TRAP1: variants seen among roughly 807,000 people sequenced by gnomAD.
TRAP1 encodes the protein TNF receptor associated protein 1, also known as heat shock protein 75 kDa, mitochondrial.
Under a neutral mutation model 89.1 loss-of-function variants are expected in TRAP1, and 102 were observed. That is an observed-to-expected ratio of 1.15 (90% confidence interval 0.98 to 1.35). The LOEUF (loss-of-function observed/expected upper bound fraction) is 1.35, where lower values mean the gene tolerates loss of function less well. Among genes scored for constraint, TRAP1 ranks in the 40% most tolerant of loss-of-function variants. The pLI is 0.00. For missense variants in TRAP1, 1,256 were observed against 945.3 expected, an observed-to-expected ratio of 1.33 and a Z score of -4.31; for synonymous variants, 508 against 388.0, an observed-to-expected ratio of 1.31 and a Z score of -3.64.
At chr16:3,659,158 T>TAAATAATAA (rs1209787397) in intron 16 of TRAP1, 2 of 312,034 alleles carry the variant, frequency 6.4e-6, no homozygotes, top group African/African-American at 4.3e-5. Flanking sequence ...GGTTCCTAGA[T>TAAATAATAA]AAATAATAAA....
chr16:3,684,022 C>A (rs557212405), intron 4 of TRAP1, among the ~76,000 whole-genome samples: 1 of 151,520 alleles, frequency 6.6e-6, no homozygotes, highest in Admixed American at 6.6e-5. Flanking sequence ...AAAAATTAGC[C>A]GGGTGTGGTG....
At chr16:3,709,983 G>C (rs896959538) in intron 1 of TRAP1, among the ~76,000 whole-genome samples, 3 of 152,176 alleles carry the variant, frequency 2.0e-5, no homozygotes, top group Non-Finnish European at 2.9e-5. Context: ...ATTCTGAACA[G>C]AAAGACCTGT....
chr16:3,681,801 T>G (rs778375574), intron 4 of TRAP1, among the ~76,000 whole-genome samples: 14 of 152,202 alleles, frequency 9.2e-5, no homozygotes, highest in Non-Finnish European at 1.9e-4. Context: ...TTTCCCAAAC[T>G]GATCTGCACT....
At chr16:3,716,692 G>C (rs1024440302) in intron 1 of TRAP1, among the ~76,000 whole-genome samples, 3 of 152,206 alleles carry the variant, frequency 2.0e-5, no homozygotes, top group African/African-American at 7.2e-5. Context: ...GTACAGCCCC[G>C]AAGCAATGCC....
At chr16:3,677,373 C>G in intron 6 of TRAP1, 125 bp downstream of exon 6, 3 of 1,307,340 alleles carry the variant, frequency 2.3e-6, no homozygotes, top group Middle Eastern at 2.6e-4. Context: ...ATGGGAGAGT[C>G]AGATTTCATA....
chr16:3,715,411 C>T (rs948025691), intron 1 of TRAP1, among the ~76,000 whole-genome samples: 10 of 151,742 alleles, frequency 6.6e-5, no homozygotes, highest in Non-Finnish European at 1.3e-4. Flanking sequence ...GCACTCCAGC[C>T]TGGGTGACAG....
Position 3,677,509 on chromosome 16 carries a change from C to G in TRAP1, c.693G>C (p.Trp231Cys), listed in dbSNP as rs2051014485. 6.2e-7 allele frequency: 1 copy of G among 1,614,226 alleles called. No individual in the cohort carries two copies. Among genetic ancestry groups the G allele is most frequent in the Non-Finnish European group, 8.5e-7 (1 of 1,180,034 alleles). The part of the protein sequence containing the change: ...SAAPGSLGYQ[W>C]LSDGSGVFEI... ...CATTCGTCACTCACCCATCTGAAAG[C>G]CACTGGTAACCCAGGCTCCCCGGGG... Residue 231 changes from tryptophan to cysteine, a missense_variant, in exon 6 of 18, where the codon TGG becomes TGC. Transcript: ENST00000246957.
chr16:3,662,166 G>A, intron 15 of TRAP1, 34 bp from the exon 16 acceptor site: 2 of 1,591,134 alleles, frequency 1.3e-6, no homozygotes, highest in Non-Finnish European at 1.7e-6. Flanking sequence ...GGGTGATAGA[G>A]GTTCCCAATG....
chr16:3,689,339 G>C (rs975019090), intron 2 of TRAP1, among the ~76,000 whole-genome samples: 2 of 151,352 alleles, frequency 1.3e-5, no homozygotes, highest in African/African-American at 2.4e-5. Context: ...CTGCCTCCCG[G>C]GTTCACGCCA....
chr16:3,664,803 C>A lies in TRAP1; in HGVS notation c.1384-344G>T, dbSNP rs1596698111. 1.6e-5 allele frequency: 4 copies of A among 249,476 alleles called. No homozygotes were observed. In the East Asian group the frequency reaches 4.7e-4, roughly 30 times the overall value. 15.5% of individuals were successfully genotyped at this position (249,476 alleles called of 1,614,324 possible). A position where few individuals can be genotyped will look rare whatever the true frequency, so the allele number is the denominator to read the frequency against. On this transcript the variant is annotated intron_variant, in intron 12 of 17. Transcript: ENST00000246957. ...CTCTGCCCTCAGTGACAGAGTCAGT[C>A]TCTGGTGGGCACACGGACACGGGTG...
intron 1 of TRAP1, among the ~76,000 whole-genome samples, chr16:3,702,624 G>T (rs1184153840): frequency 6.6e-6 from 1 of 151,652 alleles, no homozygotes; most frequent in African/African-American, 2.4e-5. Context: ...CGCACCTGTA[G>T]TTCCAGCTAC....
In TRAP1 at chr16:3,664,176, CGGAGTCTTG is replaced by C; in HGVS notation, c.1569+89_1569+97del. 2.3e-6 allele frequency: 3 copies of C among 1,319,014 alleles called. No individual in the cohort carries two copies. The South Asian group carries it at 4.8e-5, about 21-fold the overall frequency. 81.7% of individuals were successfully genotyped at this position (1,319,014 alleles called of 1,614,324 possible). A position where few individuals can be genotyped will look rare whatever the true frequency, so the allele number is the denominator to read the frequency against. ...CCCTGACCCACTGTGCAGCCCTGCCCGGAGTCTTGGGCAGGTTCACCCAGCACAGAGCTG... is the reference window on the plus strand; with the variant it reads ...CCCTGACCCACTGTGCAGCCCTGCCCGGCAGGTTCACCCAGCACAGAGCTG... On this transcript the variant is annotated intron_variant, in intron 13 of 17. Coordinates refer to ENST00000246957, the MANE Select transcript of TRAP1 (RefSeq NM_016292.3).
chr16:3,665,870 C>CA lies in TRAP1; in HGVS notation c.1383+100dup, dbSNP rs2050819173. On this transcript the variant is annotated intron_variant, in intron 12 of 17. Coordinates refer to ENST00000246957, the MANE Select transcript of TRAP1 (RefSeq NM_016292.3). Reference sequence around the variant, plus strand: ...CAGCAGCAGCAGCAGCCAGGGTACCCAGCTGCACCGTCGCCACATCAGGGG... The same window carrying CA: ...CAGCAGCAGCAGCAGCCAGGGTACCCAAGCTGCACCGTCGCCACATCAGGGG... The CA allele has an allele frequency of 2.8e-6, 4 of 1,434,934 alleles. No homozygotes were observed. The East Asian group carries it at 9.5e-5, about 34-fold the overall frequency. The allele number at this position is 1,434,934 out of a possible 1,614,324, so 88.9% of individuals were successfully genotyped here.
intron 8 of TRAP1, chr16:3,675,013 G>C: frequency 2.6e-6 from 1 of 381,720 alleles, no homozygotes; most frequent in East Asian, 5.2e-5. Context: ...TTCTGGAATT[G>C]ATGCGGGGTG....
In TRAP1 at chr16:3,669,779, G is replaced by A. The variant is rs376435546; in HGVS notation, c.1235+1943C>T. Among the ~76,000 whole-genome samples the A allele has an allele frequency of 3.1e-4, 45 of 143,308 alleles. No individual in the cohort carries two copies. In the East Asian group the frequency reaches 8.8e-3, roughly 28 times the overall value. The allele number at this position is 143,308 out of a possible 152,430, so 94.0% of individuals were successfully genotyped here. On this transcript the variant is annotated intron_variant, in intron 11 of 17. Transcript: ENST00000246957. ...ACCCGGGAGGCGGAGCTTGCAGTGA[G>A]CCGAGATCGTGCCACTGCACTCCAG...
intron 4 of TRAP1, among the ~76,000 whole-genome samples, chr16:3,684,254 G>C (rs998680654): frequency 3.9e-5 from 6 of 152,146 alleles, no homozygotes; most frequent in Admixed American, 3.9e-4. Flanking sequence ...AGATGATTTT[G>C]CCACCGGAAT....
At chr16:3,686,823 T>C (rs2051144715) in intron 3 of TRAP1, among the ~76,000 whole-genome samples, 2 of 152,078 alleles carry the variant, frequency 1.3e-5, no homozygotes, top group Non-Finnish European at 2.9e-5. Flanking sequence ...ATATTAAAAT[T>C]AGCTGGGCGT....
Position 3,672,796 on chromosome 16 carries a change from G to A in TRAP1, c.1069C>T (p.Arg357Trp), listed in dbSNP as rs375856402. The A allele has an allele frequency of 2.9e-5, 46 of 1,612,860 alleles. No homozygotes were observed. Among genetic ancestry groups the A allele is most frequent in the Non-Finnish European group, 3.6e-5 (42 of 1,179,672 alleles). Residue 357 changes from arginine to tryptophan, a missense_variant, in exon 10 of 18, where the codon CGG becomes TGG. Coordinates refer to ENST00000246957, the MANE Select transcript of TRAP1 (RefSeq NM_016292.3). ...AGTGCAACGCTGGAGCCCAGCTCCC[G>A]GCTCACATCAAACATGGACGGTTTC... ...DMKPSMFDVS[R>W]ELGSSVALYS...
chr16:3,694,142 G>T (rs2051255167), intron 1 of TRAP1, among the ~76,000 whole-genome samples: 1 of 152,052 alleles, frequency 6.6e-6, no homozygotes, highest in Admixed American at 6.6e-5. Context: ...AGACCCTCCA[G>T]GCTCTGTCTC....
Sources: gnomAD v4.1 joint callset for allele counts (sites outside exome capture counted in the v4.1 genomes callset) on GRCh38, gnomAD v4.1.1 for gene constraint, MANE v1.5 for transcripts, NCBI Gene and HGNC (gene_info 2026-07-23, HGNC 2026-07-21) for gene names.